The following CCDC88B variants were observed in gnomAD, a reference collection of about 807,000 sequenced individuals.
The protein encoded by CCDC88B is coiled-coil and HOOK domain protein 88B.
In CCDC88B, 138 loss-of-function variants were observed where a neutral mutation model predicts 183.7. That is an observed-to-expected ratio of 0.75 (90% CI 0.65 to 0.87). The LOEUF (loss-of-function observed/expected upper bound fraction) is 0.87. Ranked by LOEUF, CCDC88B falls within the 40% of genes least tolerant of loss-of-function variation. The probability of loss-of-function intolerance (pLI) is 0.00; values close to 1 mark genes in which losing one functional copy is unlikely to be tolerated. For synonymous variants in CCDC88B, 835 were observed against 867.5 expected, an observed-to-expected ratio of 0.96 and a Z score of 0.66; for missense variants, 1,822 against 1,965.6, an observed-to-expected ratio of 0.93 and a Z score of 1.38.
Position 64,341,032 on chromosome 11 carries a change from A to C in CCDC88B, c.318+14A>C. The C allele has an allele frequency of 6.2e-7, 1 of 1,612,644 alleles. No homozygotes were observed. Among genetic ancestry groups the C allele is most frequent in the Non-Finnish European group, 8.5e-7 (1 of 1,179,188 alleles). ...GACTTCTACCAGGTAAGGGGTCTCGAGGGAAAGGCGGAGACAGGAGGGGAA... is the reference window on the plus strand; with the variant it reads ...GACTTCTACCAGGTAAGGGGTCTCGCGGGAAAGGCGGAGACAGGAGGGGAA... On this transcript the variant is annotated intron_variant, in intron 3 of 26. Coordinates refer to ENST00000356786, the MANE Select transcript of CCDC88B (RefSeq NM_032251.6).
Position 64,353,004 on chromosome 11 carries a change from C to T in CCDC88B, c.3501-50C>T, listed in dbSNP as rs138730003. 1,254 of 1,526,924 alleles carry T rather than the reference C, an allele frequency of 8.2e-4. 7 individuals are homozygous for T. The African/African-American group carries it at 0.015, about 19-fold the overall frequency. The allele number at this position is 1,526,924 out of a possible 1,614,324, so 94.6% of individuals were successfully genotyped here. On this transcript the variant is annotated intron_variant, in intron 20 of 26. Transcript: ENST00000356786. The stretch of plus-strand genomic sequence containing the variant: ...CGGCATAACTTCTCTGGCCAGCACT[C>T]GGACTGGGGACCCAGGTCCCTTGGA...
At chr11:64,356,731 A>C in intron 26 of CCDC88B, 2 of 429,422 alleles carry the variant, frequency 4.7e-6, no homozygotes, top group Non-Finnish European at 4.1e-6. Context: ...AGAGCAGGGG[A>C]GGGGTCAGGA....
At chr11:64,349,796 C>A (rs1324389649) in intron 16 of CCDC88B, 128 bp downstream of exon 16, 10 of 870,336 alleles carry the variant, frequency 1.1e-5, no homozygotes, top group Non-Finnish European at 1.8e-5. Context: ...CCTCACTCCC[C>A]ATGTGGGGCC....
Position 64,355,358 on chromosome 11 carries a change from C to A in CCDC88B, c.4264C>A (p.Arg1422Ser). The part of the protein sequence containing the change: ...GDTPRQRFRQ[R>S]HPGPLGAPVS... The stretch of plus-strand genomic sequence containing the variant: ...CACCCCTAGGCAACGATTCCGACAG[C>A]GCCATCCAGGCCCCCTGGGGGCGCC... Residue 1422 changes from arginine (R) to serine (S), a missense_variant, in exon 25 of 27, where the codon CGC (arginine) becomes AGC (serine). By Grantham distance (110) the Arg-to-Ser change is moderately radical. Coordinates refer to ENST00000356786, the MANE Select transcript of CCDC88B (RefSeq NM_032251.6). 6.3e-7 allele frequency: 1 copy of A among 1,592,152 alleles called. No individual in the cohort carries two copies.
At chr11:64,341,847 GTGGTCTGA>G (rs768438535) in intron 7 of CCDC88B, 105 bp downstream of exon 7, 2 of 735,296 alleles carry the variant, frequency 2.7e-6, no homozygotes, top group Non-Finnish European at 3.6e-6. Flanking sequence ...GCATGGGGTT[GTGGTCTGA>G]GGTCTTGGGC....
intron 14 of CCDC88B, chr11:64,349,005 G>C: frequency 1.4e-6 from 1 of 717,476 alleles, no homozygotes; most frequent in Non-Finnish European, 2.6e-6. Flanking sequence ...AGCCCACCGG[G>C]CGCATCCACC....
intron 14 of CCDC88B, among the ~76,000 whole-genome samples, chr11:64,346,521 A>G (rs1440879511): frequency 6.6e-6 from 1 of 151,864 alleles, no homozygotes; most frequent in Non-Finnish European, 1.5e-5. Context: ...GCTCACTGCA[A>G]GCTCCGCCTC....
At chr11:64,340,354 G>C in intron 1 of CCDC88B, 28 bp downstream of exon 1, 1 of 1,304,898 alleles carries the variant, frequency 7.7e-7, no homozygotes, top group Non-Finnish European at 9.8e-7. Flanking sequence ...AGCGGGTTGG[G>C]GAGGGGAAGT....
At chr11:64,348,486 G>T (rs1400129841) in intron 14 of CCDC88B, among the ~76,000 whole-genome samples, 1 of 152,188 alleles carries the variant, frequency 6.6e-6, no homozygotes, top group Non-Finnish European at 1.5e-5. Context: ...TGCGCTAGTG[G>T]CTGTCAGCCA....
In CCDC88B at chr11:64,341,009, C is replaced by A; in HGVS notation, c.309C>A (p.Asp103Glu). The A allele has an allele frequency of 6.2e-7, 1 of 1,610,600 alleles. No individual in the cohort carries two copies. The highest frequency in any genetic ancestry group is 8.5e-7 in the Non-Finnish European group (1 of 1,177,972). Residue 103 changes from aspartate to glutamate, a missense_variant, in exon 3 of 27, where the codon GAC (aspartate) becomes GAA (glutamate). Physicochemically the swap from Asp to Glu is conservative, Grantham distance 45 (BLOSUM62 2). Transcript: ENST00000356786. ...ACCACCTGTGGGGCCGACTGAGGGA[C>A]TTCTACCAGGTAAGGGGTCTCGAGG... ...NLNHLWGRLR[D>E]FYQEELQLLI...
chr11:64,349,179 A>G (rs1439430146), intron 14 of CCDC88B, 152 bp from the exon 15 acceptor site: 1 of 929,224 alleles, frequency 1.1e-6, no homozygotes, highest in Non-Finnish European at 1.6e-6. Context: ...CTTTGCTCCC[A>G]TTTTATAGAT....
At position 64,344,777 on chromosome 11, in the gene CCDC88B, G is replaced by A; in HGVS notation, c.2236G>A (p.Asp746Asn). 2 of 1,613,930 alleles carry A rather than the reference G, an allele frequency of 1.2e-6. No individual in the cohort carries two copies. Among genetic ancestry groups the A allele is most frequent in the South Asian group, 2.2e-5 (2 of 91,064 alleles). Residue 746 changes from aspartate to asparagine, a missense_variant, in exon 14 of 27, where the codon GAT becomes AAT. By Grantham distance (23) the Asp-to-Asn change is conservative. Transcript: ENST00000356786. This position sits in a 1 kb window ranked among gnomAD's most constrained non-coding sequence, Gnocchi z 4.5. Reference protein sequence around the residue: ...QLRRKAEALGDELEAQARKLE... With the variant: ...QLRRKAEALGNELEAQARKLE... ...GAGGAGAAAGGCTGAGGCCCTTGGA[G>A]ATGAGCTGGAAGCCCAGGCCCGCAA...
chr11:64,354,816 C>G (rs117660951), intron 24 of CCDC88B, among the ~76,000 whole-genome samples: 2 of 80,972 alleles, frequency 2.5e-5, no homozygotes, highest in African/African-American at 8.6e-5. Flanking sequence ...AGCCTCCCCC[C>G]CTCCTCTGAC....
rs612448 is a variant in CCDC88B, at chr11:64,357,043, T to C, written c.4380T>C (p.Pro1460=). Residue 1460 remains proline (P), a synonymous_variant, in exon 27 of 27, where the codon CCT becomes CCC. Coordinates refer to ENST00000356786, the MANE Select transcript of CCDC88B (RefSeq NM_032251.6). ...CAGCTGAGCCTTTCCCTCTAGGCCC[T>C]GAGGTACAGGAACCGGAGAAACGTC... is the stretch of plus-strand genomic sequence containing the variant. ...EHETDANREG[P]EVQEPEKRPL... 0.41 allele frequency: 657,555 copies of C among 1,588,070 alleles called. 143,224 individuals are homozygous for C. The highest frequency in any genetic ancestry group is 0.45 in the Non-Finnish European group (519,311 of 1,164,532).
Position 64,345,004 on chromosome 11 carries a change from G to C in CCDC88B, c.2463G>C (p.Ala821=), listed in dbSNP as rs771559730. 11 of 1,546,604 alleles carry C rather than the reference G, an allele frequency of 7.1e-6. No homozygotes were observed. Among genetic ancestry groups the C allele is most frequent in the Non-Finnish European group, 8.7e-6 (10 of 1,147,784 alleles). ...CGCTGGTGGAGGCGCTGGCAGCAGC[G>C]GGCCGGGAGCGGAGGCAGTGGGAGC... ...REALVEALAA[A]GRERRQWERE... is the part of the protein sequence containing the mutation. Residue 821 remains alanine (A), a synonymous_variant, in exon 14 of 27, where the codon GCG becomes GCC. Transcript: ENST00000356786.
chr11:64,340,829 C>T, intron 2 of CCDC88B, 77 bp downstream of exon 2: 1 of 1,544,446 alleles, frequency 6.5e-7, no homozygotes, highest in Non-Finnish European at 8.7e-7. Flanking sequence ...GCCTGATGCT[C>T]AGTGGGCGGG....
At chr11:64,348,006 C>T (rs1483035906) in intron 14 of CCDC88B, among the ~76,000 whole-genome samples, 6 of 142,554 alleles carry the variant, frequency 4.2e-5, no homozygotes, top group South Asian at 2.2e-4. Context: ...GCCAAGATCG[C>T]GCCACTGCAG....
Position 64,343,905 on chromosome 11 carries a change from AG to A in CCDC88B, c.1451del (p.Gly484AlafsTer54). 12 of 1,602,878 alleles carry A rather than the reference AG, an allele frequency of 7.5e-6. No homozygotes were observed. Among genetic ancestry groups the A allele is most frequent in the Non-Finnish European group, 9.4e-6 (11 of 1,174,716 alleles). ...TGCTTCAGGTGCTTCAGGGGCAGCC[AG>A]GGGGCCAGGTAAGTCCCCTCCCCCA... ...GLLQVLQGQP[G>X]GQHPLLEAPR... On this transcript the variant is annotated frameshift_variant, in exon 13 of 27. Coordinates refer to ENST00000356786, the MANE Select transcript of CCDC88B (RefSeq NM_032251.6). LOFTEE classifies it high-confidence loss of function.
chr11:64,345,016 GAGGC>G lies in CCDC88B; in HGVS notation c.2478_2481del (p.Arg826SerfsTer112), dbSNP rs1305258878. 6.5e-7 allele frequency: 1 copy of G among 1,547,014 alleles called. No individual in the cohort carries two copies. Among genetic ancestry groups the G allele is most frequent in the Admixed American group, 2.0e-5 (1 of 51,066 alleles). On this transcript the variant is annotated frameshift_variant, in exon 14 of 27. Coordinates refer to ENST00000356786, the MANE Select transcript of CCDC88B (RefSeq NM_032251.6). LOFTEE classifies it high-confidence loss of function. The stretch of plus-strand genomic sequence containing the variant: ...CGCTGGCAGCAGCGGGCCGGGAGCG[GAGGC>G]AGTGGGAGCGTGAGGGGTCCAGGCT...
Sources: allele counts gnomAD v4.1 joint callset (sites outside exome capture counted in the v4.1 genomes callset), GRCh38; gene constraint gnomAD v4.1.1; non-coding constraint Gnocchi (gnomAD v3.1); transcripts MANE v1.5; gene names NCBI Gene and HGNC (gene_info 2026-07-23, HGNC 2026-07-21).